Variants in HDAC9 observed in about 807,000 individuals in gnomAD.
HDAC9 encodes MEF-2 interacting transcription repressor (MITR) protein.
A neutral mutation model predicts 139.4 loss-of-function variants in HDAC9; 41 were observed. That is an observed-to-expected ratio of 0.29 (90% CI 0.23 to 0.38). HDAC9 has a LOEUF of 0.38. Ranked by LOEUF, HDAC9 falls within the 10% of genes least tolerant of loss-of-function variation. HDAC9 has a pLI of 1.00. For missense variants in HDAC9, 1,147 were observed against 1,297.0 expected (o/e 0.88, Z 1.78); for synonymous variants, 517 against 476.2 (o/e 1.09, Z -1.12).
At chr7:18,366,434 G>C (rs17139118) in intron 1 of HDAC9, among the ~76,000 whole-genome samples, 34,527 of 152,074 alleles carry the variant, frequency 0.23, 4,123 homozygotes, top group East Asian at 0.36. Context: ...GGTAGAATTT[G>C]TCTGCCCCAA....
intron 2 of HDAC9, among the ~76,000 whole-genome samples, chr7:18,167,027 A>G (rs1029412884): frequency 6.6e-6 from 1 of 152,210 alleles, no homozygotes; most frequent in Non-Finnish European, 1.5e-5. Flanking sequence ...TAACTAAAAT[A>G]TTTTCAGGCC....
At chr7:18,108,063 C>T (rs774533282) in intron 1 of HDAC9, among the ~76,000 whole-genome samples, 16 of 152,080 alleles carry the variant, frequency 1.1e-4, no homozygotes, top group Non-Finnish European at 1.9e-4. Context: ...TTAATTCTTT[C>T]GGGGGACCTG....
intron 1 of HDAC9, among the ~76,000 whole-genome samples, chr7:18,365,273 C>T (rs897158231): frequency 2.0e-5 from 3 of 151,936 alleles, no homozygotes; most frequent in Non-Finnish European, 4.4e-5. Context: ...AATTTTAGAT[C>T]TAGTGTGAAC....
At chr7:18,668,197 T>C (rs748932185) in intron 12 of HDAC9, 4 of 870,276 alleles carry the variant, frequency 4.6e-6, no homozygotes, top group Non-Finnish European at 5.5e-6. Flanking sequence ...AACTAGAAGT[T>C]AGAAAGTTTA....
intron 2 of HDAC9, among the ~76,000 whole-genome samples, chr7:18,563,372 T>C (rs893088687): frequency 6.6e-6 from 1 of 152,170 alleles, no homozygotes; most frequent in African/African-American, 2.4e-5. Context: ...ATATAAAATA[T>C]ATAAGCCTCC....
intron 1 of HDAC9, among the ~76,000 whole-genome samples, chr7:18,125,115 A>G (rs2697909): frequency 0.8 from 122,247 of 152,060 alleles, 50,060 homozygotes; most frequent in Non-Finnish European, 0.89. Flanking sequence ...GGAGGGAGAA[A>G]GGTGTGTTGG....
intron 1 of HDAC9, among the ~76,000 whole-genome samples, chr7:18,296,487 A>G (rs1371151118): frequency 6.6e-6 from 1 of 152,090 alleles, no homozygotes; most frequent in African/African-American, 2.4e-5. Flanking sequence ...AACGCAGGAT[A>G]TGGAATTTAA....
At chr7:18,256,168 A>G (rs1461856207) in intron 2 of HDAC9, among the ~76,000 whole-genome samples, 2 of 152,086 alleles carry the variant, frequency 1.3e-5, no homozygotes, top group African/African-American at 2.4e-5. Flanking sequence ...ATTATTATAC[A>G]ATGCCCCGTA....
chr7:18,319,008 G>A (rs1055621878), intron 1 of HDAC9, among the ~76,000 whole-genome samples: 38 of 152,178 alleles, frequency 2.5e-4, no homozygotes, highest in Middle Eastern at 6.8e-3. Context: ...CTGCATTTCC[G>A]GGGGATTCCT....
intron 1 of HDAC9, among the ~76,000 whole-genome samples, chr7:18,333,205 A>G (rs1457414333): frequency 6.6e-6 from 1 of 151,558 alleles, no homozygotes; most frequent in African/African-American, 2.4e-5. Flanking sequence ...GCTCAACTAG[A>G]GATAGAAATA....
Position 18,624,166 on chromosome 7 carries a change from C to T in HDAC9, c.665-5184C>T, listed in dbSNP as rs538932852. On this transcript the variant is annotated intron_variant, in intron 6 of 25. Coordinates refer to ENST00000686413, the MANE Select transcript of HDAC9 (RefSeq NM_178425.4). ...ATCCTAATTTTTTAACCTTTGCTTC[C>T]GCCACCTAGGTTTACTATTCCTCTC... Among the ~76,000 whole-genome samples the T allele has an allele frequency of 1.1e-4, 16 of 152,228 alleles. No homozygotes were observed. In the South Asian group the frequency reaches 1.4e-3, roughly 14 times the overall value.
rs1332665759 is a variant in HDAC9 at position 18,303,409 on chromosome 7, GTGTGTGTGTGTGTGTT to G, written c.-42+12896_-42+12911del. ...TGTGTGTGTGTGTGTGTGTGTGTGTGTGTGTGTGTGTGTGTTTTTAGTAGAGATGGGGTTTCACCGT... is the reference window on the plus strand; with the variant it reads ...TGTGTGTGTGTGTGTGTGTGTGTGTGTTTAGTAGAGATGGGGTTTCACCGT... On this transcript the variant is annotated intron_variant, in intron 1 of 3. Transcript: ENST00000413509. 7.4e-3 allele frequency among the ~76,000 whole-genome samples: 1,081 copies of G among 145,274 alleles called. 21 individuals are homozygous for G. The highest frequency in any genetic ancestry group is 0.028 in the African/African-American group (1,028 of 36,746).
chr7:18,718,190 G>A lies in HDAC9; in HGVS notation c.1732-9390G>A, dbSNP rs375411195. Among the ~76,000 whole-genome samples, 5 of 152,166 alleles carry A rather than the reference G, an allele frequency of 3.3e-5. 1 individual carries two copies. The South Asian group carries it at 1.0e-3, about 32-fold the overall frequency. On this transcript the variant is annotated intron_variant, in intron 12 of 25. Coordinates refer to ENST00000686413, the MANE Select transcript of HDAC9 (RefSeq NM_178425.4). ...TTGCCTCCATAAATTTGTGTGTTCT[G>A]CATATTTTATGTAAATCGTATTGTA... is the stretch of plus-strand genomic sequence containing the variant.
At chr7:18,340,865 G>T (rs544547882) in intron 1 of HDAC9, among the ~76,000 whole-genome samples, 9 of 151,470 alleles carry the variant, frequency 5.9e-5, no homozygotes, top group African/African-American at 2.2e-4. Context: ...GTTTCCTTCT[G>T]CTTGAAGGAC....
At chr7:18,482,663 A>G (rs374488918) in intron 1 of HDAC9, among the ~76,000 whole-genome samples, 24 of 152,230 alleles carry the variant, frequency 1.6e-4, no homozygotes, top group African/African-American at 5.8e-4. Context: ...TTCTTAGAGA[A>G]GCATCACACA....
intron 1 of HDAC9, among the ~76,000 whole-genome samples, chr7:18,360,332 C>T (rs958489389): frequency 2.0e-5 from 3 of 152,138 alleles, no homozygotes; most frequent in Non-Finnish European, 4.4e-5. Context: ...CTGTCGTACT[C>T]CTTCAGTCAT....
At chr7:18,561,903 G>A (rs1161339053) in intron 2 of HDAC9, among the ~76,000 whole-genome samples, 2 of 152,212 alleles carry the variant, frequency 1.3e-5, no homozygotes, top group African/African-American at 2.4e-5. Flanking sequence ...ACTGCTAAGA[G>A]CATTCATGTA....
intron 12 of HDAC9, among the ~76,000 whole-genome samples, chr7:18,718,235 TG>T (rs1473814331): frequency 3.3e-5 from 5 of 151,912 alleles, no homozygotes; most frequent in Non-Finnish European, 4.4e-5. Flanking sequence ...TTTTTTTGTT[TG>T]TTTTTTTGTT....
intron 2 of HDAC9, among the ~76,000 whole-genome samples, chr7:18,520,236 T>G (rs1428332468): frequency 1.3e-5 from 2 of 152,148 alleles, no homozygotes; most frequent in Non-Finnish European, 2.9e-5. Flanking sequence ...AATATTAAAG[T>G]AATCATGCTA....
Sources: gnomAD v4.1 joint callset for allele counts (sites outside exome capture counted in the v4.1 genomes callset) on GRCh38, gnomAD v4.1.1 for gene constraint, MANE v1.5 for transcripts, NCBI Gene and HGNC (gene_info 2026-07-23, HGNC 2026-07-21) for gene names.